Variants in TCF4 observed in about 807,000 individuals in gnomAD.
TCF4 encodes SL3-3 enhancer factor 2.
Under a neutral mutation model 82.1 loss-of-function variants are expected in TCF4, and 3 were observed. The observed-to-expected ratio is 0.04, with a 90% CI of 0.02 to 0.09. The LOEUF (loss-of-function observed/expected upper bound fraction) is 0.09. TCF4 is among the 10% of genes least tolerant of loss of function. The pLI is 1.00. For synonymous variants in TCF4, 276 were observed against 309.6 expected, an observed-to-expected ratio of 0.89 and a Z score of 1.14; for missense variants, 518 against 852.7, an observed-to-expected ratio of 0.61 and a Z score of 4.89.
intron 3 of TCF4, among the ~76,000 whole-genome samples, chr18:55,526,573 T>C (rs997435373): frequency 1.1e-4 from 16 of 152,160 alleles, no homozygotes; most frequent in Non-Finnish European, 2.1e-4. Flanking sequence ...AAGATTAGTT[T>C]TGGGAAATTC....
intron 3 of TCF4, chr18:55,551,637 T>C (rs1470550273): frequency 6.6e-6 from 1 of 152,310 alleles, no homozygotes; most frequent in African/African-American, 2.4e-5. Flanking sequence ...CATGGCTCTG[T>C]ACCTCTGAGT....
At chr18:55,461,711 T>G (rs1383888937) in intron 4 of TCF4, among the ~76,000 whole-genome samples, 1 of 152,160 alleles carries the variant, frequency 6.6e-6, no homozygotes, top group East Asian at 1.9e-4. Flanking sequence ...CATCAAAACA[T>G]TAGCATAAAT....
At chr18:55,413,017 G>A (rs1216448291) in intron 5 of TCF4, among the ~76,000 whole-genome samples, 1 of 152,132 alleles carries the variant, frequency 6.6e-6, no homozygotes, top group African/African-American at 2.4e-5. Context: ...ATGGTACACA[G>A]GTGATGGCCT....
intron 8 of TCF4, among the ~76,000 whole-genome samples, chr18:55,337,148 G>C (rs567572631): frequency 6.6e-6 from 1 of 151,852 alleles, no homozygotes; most frequent in Non-Finnish European, 1.5e-5. Context: ...CTAATTTTAC[G>C]TGAGAATGTG....
intron 8 of TCF4, among the ~76,000 whole-genome samples, chr18:55,330,575 CTT>C (rs1410482582): frequency 6.7e-6 from 1 of 149,030 alleles, no homozygotes; most frequent in Admixed American, 6.7e-5. Flanking sequence ...ACTACATTTT[CTT>C]TTTTTTTGAG....
chr18:55,348,568 TCTTAA>T (rs2081664265), intron 8 of TCF4, among the ~76,000 whole-genome samples: 1 of 152,174 alleles, frequency 6.6e-6, no homozygotes, highest in African/African-American at 2.4e-5. Flanking sequence ...ACCTAAATTG[TCTTAA>T]CAGCAAAGAA....
intron 3 of TCF4, among the ~76,000 whole-genome samples, chr18:55,491,581 C>CT (rs1263526449): frequency 1.3e-5 from 2 of 152,150 alleles, no homozygotes; most frequent in African/African-American, 4.8e-5. Flanking sequence ...TACCAGTTCT[C>CT]TAATTGAATC....
intron 3 of TCF4, among the ~76,000 whole-genome samples, chr18:55,481,419 C>T (rs567605995): frequency 3.8e-4 from 58 of 152,302 alleles, no homozygotes; most frequent in Non-Finnish European, 6.2e-4. Flanking sequence ...CTTTCACAGC[C>T]ATTACTCAGG....
chr18:55,499,050 C>G (rs1286827816), intron 3 of TCF4, among the ~76,000 whole-genome samples: 3 of 152,080 alleles, frequency 2.0e-5, no homozygotes, highest in African/African-American at 7.2e-5. Context: ...TCATCTCAGA[C>G]CCTTTTCCAG....
At chr18:55,391,842 A>G (rs2093128937) in intron 6 of TCF4, among the ~76,000 whole-genome samples, 2 of 150,406 alleles carry the variant, frequency 1.3e-5, no homozygotes, top group African/African-American at 2.4e-5. Context: ...GGAGGGTGAA[A>G]CAGGAGCATC....
chr18:55,236,304 T>C (rs183103214), intron 15 of TCF4, among the ~76,000 whole-genome samples: 11 of 152,294 alleles, frequency 7.2e-5, no homozygotes, highest in African/African-American at 2.6e-4. Flanking sequence ...GAATGGTGGT[T>C]ATTTGGCCTC....
intron 8 of TCF4, among the ~76,000 whole-genome samples, chr18:55,332,834 G>A (rs2077856126): frequency 6.6e-6 from 1 of 152,172 alleles, no homozygotes; most frequent in African/African-American, 2.4e-5. Flanking sequence ...CAATATGGTA[G>A]GAATTATACT....
chr18:55,296,111 T>TG (rs1003775175), intron 8 of TCF4, among the ~76,000 whole-genome samples: 5 of 152,128 alleles, frequency 3.3e-5, no homozygotes, highest in African/African-American at 1.2e-4. Flanking sequence ...TAAAGTGTTT[T>TG]TTTTTTTTTT....
chr18:55,598,151 G>C (rs1474587033), intron 2 of TCF4, among the ~76,000 whole-genome samples: 1 of 152,180 alleles, frequency 6.6e-6, no homozygotes, highest in Non-Finnish European at 1.5e-5. Flanking sequence ...CTATCAGCTG[G>C]AGAGATCTTA....
At chr18:55,592,388 G>A (rs2097686523), upstream of TCF4, among the ~76,000 whole-genome samples, 2 of 152,146 alleles carry the variant, frequency 1.3e-5, no homozygotes, top group Admixed American at 1.3e-4. Flanking sequence ...GCTTGCAAAT[G>A]ATTACCTTCT....
intron 8 of TCF4, among the ~76,000 whole-genome samples, chr18:55,287,856 C>G (rs1242224798): frequency 1.3e-5 from 2 of 152,130 alleles, no homozygotes; most frequent in African/African-American, 4.8e-5. Context: ...TTTCATATAG[C>G]TGGCTGCAGT....
At chr18:55,550,563 T>C (rs2097251878) in intron 3 of TCF4, 1 of 152,176 alleles carries the variant, frequency 6.6e-6, no homozygotes. Context: ...GGCCAGAAAT[T>C]TGGTCTTGTG....
chr18:55,255,362 G>T (rs1272889292), intron 14 of TCF4, among the ~76,000 whole-genome samples: 4 of 152,074 alleles, frequency 2.6e-5, no homozygotes, highest in Non-Finnish European at 4.4e-5. Context: ...TAAGACTGAA[G>T]AATCACAAAC....
chr18:55,467,423 T>C (rs1323146299), intron 3 of TCF4, among the ~76,000 whole-genome samples: 1 of 152,078 alleles, frequency 6.6e-6, no homozygotes, highest in Non-Finnish European at 1.5e-5. Flanking sequence ...CCGTCTCATA[T>C]CTACTCAGTC....
Sources: gnomAD v4.1 joint callset for allele counts (sites outside exome capture counted in the v4.1 genomes callset) on GRCh38, gnomAD v4.1.1 for gene constraint, MANE v1.5 for transcripts, NCBI Gene and HGNC (gene_info 2026-07-23, HGNC 2026-07-21) for gene names.